Variants in CLDN5 observed in about 807,000 individuals in gnomAD.
The protein encoded by CLDN5 is claudin 5.
In CLDN5, 4 loss-of-function variants were observed where a neutral mutation model predicts 1.3. The ratio of observed to expected loss-of-function variants is 3.07; its 90% CI spans 1.51 to 7.03. The LOEUF (loss-of-function observed/expected upper bound fraction) is 7.03, where lower values mean the gene tolerates loss of function less well. CLDN5 is among the 30% of genes most tolerant of loss of function. CLDN5 has a pLI of 0.00. For missense variants in CLDN5, 225 were observed against 303.5 expected, an observed-to-expected ratio of 0.74 and a Z score of 1.92; for synonymous variants, 156 against 152.3, an observed-to-expected ratio of 1.02 and a Z score of -0.18.
Position 19,523,526 on chromosome 22 carries a change from G to T in CLDN5, c.*73C>A. ...CTACCCGGCGGAAGCCGCGGTCCAT[G>T]CGGGGCTCCCCAGGCTTATCCAACG... On this transcript the variant is annotated 3_prime_UTR_variant, in exon 1 of 1. Transcript: ENST00000618236. 1 of 1,481,990 alleles carries T rather than the reference G, an allele frequency of 6.7e-7. No homozygotes were observed. Among genetic ancestry groups the T allele is most frequent in the East Asian group, 2.4e-5 (1 of 42,134 alleles). 91.8% of individuals were successfully genotyped at this position (1,481,990 alleles called of 1,614,324 possible). A position where few individuals can be genotyped will look rare whatever the true frequency, so the allele number is the denominator to read the frequency against.
upstream of CLDN5, chr22:19,525,319 G>C: frequency 1.0e-6 from 1 of 998,940 alleles, no homozygotes; most frequent in Non-Finnish European, 1.2e-6. Context: ...GCCTGCTCTG[G>C]CCTTCAGACA....
In CLDN5 at chr22:19,523,781, C is replaced by T; in HGVS notation, c.475G>A (p.Glu159Lys). The change falls in exon 1 of 1, where the codon GAG becomes AAG. Residue 159 changes from glutamate (E) to lysine (K), a missense_variant. Coordinates refer to ENST00000618236, the MANE Select transcript of CLDN5 (RefSeq NM_001363066.2). The stretch of plus-strand genomic sequence containing the variant: ...CCGATGTACAGCGCTGCGCCCAGCT[C>T]GTACTTCTGCGACACGGGCACAGAC... Reference protein sequence around the residue: ...DPSVPVSQKYELGAALYIGWA... With the variant: ...DPSVPVSQKYKLGAALYIGWA... 6.2e-7 allele frequency: 1 copy of T among 1,605,698 alleles called. No homozygotes were observed. The highest frequency in any genetic ancestry group is 1.1e-5 in the South Asian group (1 of 90,232).
At chr22:19,524,863 C>G, upstream of CLDN5, 1 of 1,119,550 alleles carries the variant, frequency 8.9e-7, no homozygotes, top group Non-Finnish European at 1.1e-6. Flanking sequence ...CCGTAGAGGC[C>G]CTCGTAGGGG....
In CLDN5 at chr22:19,524,369, G is replaced by A; in HGVS notation, c.-114C>T. ...CCCGCGCTCCCGGCTCTTGGCCCCAGTCCGTTTGCCCCGCGGGTCTGTCGC... is the reference window on the plus strand; with the variant it reads ...CCCGCGCTCCCGGCTCTTGGCCCCAATCCGTTTGCCCCGCGGGTCTGTCGC... On this transcript the variant is annotated 5_prime_UTR_variant, in exon 1 of 1. Coordinates refer to ENST00000618236, the MANE Select transcript of CLDN5 (RefSeq NM_001363066.2). 2 of 1,473,982 alleles carry A rather than the reference G, an allele frequency of 1.4e-6. No individual in the cohort carries two copies. 91.3% of individuals were successfully genotyped at this position (1,473,982 alleles called of 1,614,324 possible).
At position 19,524,002 on chromosome 22, in the gene CLDN5, A is replaced by G; in HGVS notation, c.254T>C (p.Val85Ala). The G allele has an allele frequency of 6.3e-7, 1 of 1,590,864 alleles. No homozygotes were observed. Among genetic ancestry groups the G allele is most frequent in the Non-Finnish European group, 8.5e-7 (1 of 1,174,834 alleles). Residue 85 changes from valine to alanine, a missense_variant, in exon 1 of 1, where the codon GTG (valine) becomes GCG (alanine). By Grantham distance (64) the Val-to-Ala change is moderately conservative. Around this residue, in one of 3 missense-constraint regions of CLDN5, gnomAD observed 165 missense variants for 211.9 expected, o/e 0.78. Coordinates refer to ENST00000618236, the MANE Select transcript of CLDN5 (RefSeq NM_001363066.2). ...AACGAACGCCAGCAGCACGGCGCTCACGGTGAGCGCCCGCGCCGCCTGCAC... is the reference window on the plus strand; with the variant it reads ...AACGAACGCCAGCAGCACGGCGCTCGCGGTGAGCGCCCGCGCCGCCTGCAC... The part of the protein sequence containing the change: ...TEVQAARALT[V>A]SAVLLAFVAL...
chr22:19,524,764 C>G, upstream of CLDN5: 1 of 1,248,510 alleles, frequency 8.0e-7, no homozygotes, highest in Non-Finnish European at 1.0e-6. Flanking sequence ...TCCACTCCCA[C>G]ATCCCCGACT....
At chr22:19,524,501 C>T (rs1426976612), upstream of CLDN5, 3 of 1,418,968 alleles carry the variant, frequency 2.1e-6, no homozygotes, top group East Asian at 2.8e-5. Context: ...CCAATCCGTG[C>T]GCGGGTCATC....
At chr22:19,525,178 T>G (rs1934203555), upstream of CLDN5, 15 of 1,000,562 alleles carry the variant, frequency 1.5e-5, no homozygotes, top group Non-Finnish European at 1.8e-5. Flanking sequence ...CAGGGGCTGC[T>G]CCTCTTCCTG....
rs764949247 is a variant in CLDN5, at chr22:19,523,868, G to T, written c.388C>A (p.Leu130Met). The T allele has an allele frequency of 3.1e-6, 5 of 1,609,776 alleles. No homozygotes were observed. The highest frequency in any genetic ancestry group is 4.2e-6 in the Non-Finnish European group (5 of 1,179,248). ...CAGCAGAGTGGCACGAGCGCCAGCA[G>T]CCCGCAAAACAGGTAGAGCACGCCT... Reference protein sequence around the residue: ...TGGVLYLFCGLLALVPLCWFA... With the variant: ...TGGVLYLFCGMLALVPLCWFA... Residue 130 changes from leucine to methionine, a missense_variant, in exon 1 of 1, where the codon CTG becomes ATG. Transcript: ENST00000618236.
At chr22:19,524,894 C>T, upstream of CLDN5, 1 of 1,070,576 alleles carries the variant, frequency 9.3e-7, no homozygotes. Context: ...AAAGCCCGCC[C>T]CGGGGTCCAA....
In CLDN5 at chr22:19,523,951, G is replaced by A. The variant is rs753536874; in HGVS notation, c.305C>T (p.Ala102Val). Residue 102 changes from alanine to valine, a missense_variant, in exon 1 of 1, where the codon GCG (alanine) becomes GTG (valine). Ala to Val is a moderately conservative substitution (Grantham distance 64). This residue lies in a region of CLDN5 where 165 missense variants were observed against 211.9 expected (regional missense o/e 0.78). Coordinates refer to ENST00000618236, the MANE Select transcript of CLDN5 (RefSeq NM_001363066.2). ...CGGGGCCACGCAGGTGGTGCACTGC[G>A]CGCCCGCCAGGGTCACGAAGAGCGC... ...FVALFVTLAG[A>V]QCTTCVAPGP... The A allele has an allele frequency of 8.2e-6, 13 of 1,588,964 alleles. No individual in the cohort carries two copies. The highest frequency in any genetic ancestry group is 1.1e-5 in the Non-Finnish European group (13 of 1,172,718).
In CLDN5 at chr22:19,523,541, C is replaced by T. The variant is rs1602012396; in HGVS notation, c.*58G>A. 1.3e-6 allele frequency: 2 copies of T among 1,508,714 alleles called. No individual in the cohort carries two copies. The highest frequency in any genetic ancestry group is 1.8e-6 in the Non-Finnish European group (2 of 1,137,582). The allele number at this position is 1,508,714 out of a possible 1,614,324, so 93.5% of individuals were successfully genotyped here. A position where few individuals can be genotyped will look rare whatever the true frequency, so the allele number is the denominator to read the frequency against. ...CGCGGTCCATGCGGGGCTCCCCAGGCTTATCCAACGCCTCGCAGGCGTGGC... is the reference window on the plus strand; with the variant it reads ...CGCGGTCCATGCGGGGCTCCCCAGGTTTATCCAACGCCTCGCAGGCGTGGC... On this transcript the variant is annotated 3_prime_UTR_variant, in exon 1 of 1. Transcript: ENST00000618236.
rs1200941610 is a variant in CLDN5 at position 19,523,694 on chromosome 22, A to G, written c.562T>C (p.Cys188Arg). 2.5e-6 allele frequency: 4 copies of G among 1,607,952 alleles called. No homozygotes were observed. The highest frequency in any genetic ancestry group is 3.4e-6 in the Non-Finnish European group (4 of 1,179,310). ...AAGCTGAGGTCGGGACGGCCGGTGCAGACCCAGGCGCCGCAGCACAAGAGG... is the reference window on the plus strand; with the variant it reads ...AAGCTGAGGTCGGGACGGCCGGTGCGGACCCAGGCGCCGCAGCACAAGAGG... ...GCLLCCGAWVCTGRPDLSFPV... is the reference protein window; with the variant it reads ...GCLLCCGAWVRTGRPDLSFPV... The change falls in exon 1 of 1, where the codon TGC becomes CGC. Residue 188 changes from cysteine to arginine, a missense_variant. This residue lies in a region of CLDN5 where 165 missense variants were observed against 211.9 expected (regional missense o/e 0.78). Coordinates refer to ENST00000618236, the MANE Select transcript of CLDN5 (RefSeq NM_001363066.2).
At position 19,524,325 on chromosome 22, in the gene CLDN5, G is replaced by A. The variant is rs1335182352; in HGVS notation, c.-70C>T. 6.0e-6 allele frequency: 9 copies of A among 1,501,362 alleles called. No homozygotes were observed. The highest frequency in any genetic ancestry group is 1.7e-4 in the Middle Eastern group (1 of 5,764). 93.0% of individuals were successfully genotyped at this position (1,501,362 alleles called of 1,614,324 possible). A position where few individuals can be genotyped will look rare whatever the true frequency, so the allele number is the denominator to read the frequency against. On this transcript the variant is annotated 5_prime_UTR_variant, in exon 1 of 1. Transcript: ENST00000618236. ...GGCCGTGCTGCGCGGCGCCCTGGGCGGGCCCTGGTGCCTTTGCGCCCGCGC... is the reference window on the plus strand; with the variant it reads ...GGCCGTGCTGCGCGGCGCCCTGGGCAGGCCCTGGTGCCTTTGCGCCCGCGC...
upstream of CLDN5, chr22:19,525,170 G>A: frequency 1.0e-6 from 1 of 1,000,514 alleles, no homozygotes; most frequent in Non-Finnish European, 1.2e-6. Context: ...AATCTTCACA[G>A]GGGCTGCTCC....
rs1934152452 is a variant in CLDN5 at position 19,523,530 on chromosome 22, G to A, written c.*69C>T. The A allele has an allele frequency of 1.0e-5, 15 of 1,484,812 alleles. No individual in the cohort carries two copies. The highest frequency in any genetic ancestry group is 1.3e-5 in the Non-Finnish European group (15 of 1,126,568). 92.0% of individuals were successfully genotyped at this position (1,484,812 alleles called of 1,614,324 possible). On this transcript the variant is annotated 3_prime_UTR_variant, in exon 1 of 1. Coordinates refer to ENST00000618236, the MANE Select transcript of CLDN5 (RefSeq NM_001363066.2). ...CCGGCGGAAGCCGCGGTCCATGCGGGGCTCCCCAGGCTTATCCAACGCCTC... is the reference window on the plus strand; with the variant it reads ...CCGGCGGAAGCCGCGGTCCATGCGGAGCTCCCCAGGCTTATCCAACGCCTC...
At chr22:19,524,677 G>A, upstream of CLDN5, 1 of 1,304,424 alleles carries the variant, frequency 7.7e-7, no homozygotes, top group Non-Finnish European at 9.8e-7. Context: ...CCTAGGGCGC[G>A]CTTCTTGGGC....
chr22:19,525,055 G>A, upstream of CLDN5: 1 of 1,001,636 alleles, frequency 1.0e-6, no homozygotes, highest in Middle Eastern at 5.2e-4. Context: ...GCCACTCACT[G>A]CCTCTCTGGA....
chr22:19,525,076 CTG>C, upstream of CLDN5: 3 of 1,001,074 alleles, frequency 3.0e-6, no homozygotes, highest in Non-Finnish European at 3.6e-6. Flanking sequence ...GCCTGAGTCT[CTG>C]GCAAAAAGCG....
Sources: gnomAD v4.1 joint callset for allele counts on GRCh38, gnomAD v4.1.1 for gene constraint, gnomAD v4.1.1 regional missense constraint, MANE v1.5 for transcripts, NCBI Gene and HGNC (gene_info 2026-07-23, HGNC 2026-07-21) for gene names.